Variants in EYS observed in about 807,000 individuals in gnomAD.
EYS encodes the protein EGF-like photoreceptor maintenance factor.
Under a neutral mutation model 282.1 loss-of-function variants are expected in EYS, and 250 were observed. The ratio of observed to expected loss-of-function variants is 0.89; its 90% CI spans 0.80 to 0.98. The LOEUF (loss-of-function observed/expected upper bound fraction) is 0.98. Among genes scored for constraint, EYS ranks in the 50% least tolerant of loss-of-function variants. The pLI is 0.00. For synonymous variants in EYS, 1,355 were observed against 1,282.9 expected (o/e 1.06, Z -1.20); for missense variants, 4,016 against 3,709.0 (o/e 1.08, Z -2.15).
chr6:64,187,865 A>G (rs1764994250), intron 31 of EYS, among the ~76,000 whole-genome samples: 1 of 152,080 alleles, frequency 6.6e-6, no homozygotes, highest in African/African-American at 2.4e-5. Context: ...TGTGTTTAAT[A>G]TAAGATTTCT....
At chr6:64,099,415 G>A (rs560700722) in intron 31 of EYS, among the ~76,000 whole-genome samples, 22 of 152,188 alleles carry the variant, frequency 1.4e-4, no homozygotes, top group African/African-American at 5.1e-4. Context: ...TGAAAAGATG[G>A]GAACTTTAGA....
Position 64,310,771 on chromosome 6 carries a change from A to G in EYS, c.6079-3689T>C, listed in dbSNP as rs548041964. On this transcript the variant is annotated intron_variant, in intron 29 of 42. Coordinates refer to ENST00000503581, the MANE Select transcript of EYS (RefSeq NM_001142800.2). ...AAAAAACATATTTTAAAAGGTGAAA[A>G]AAAAGAGAGAGAGAGAAAGGGAACT... Among the ~76,000 whole-genome samples the G allele has an allele frequency of 1.2e-3, 113 of 96,602 alleles. No individual in the cohort carries two copies. In the East Asian group the frequency reaches 0.024, roughly 21 times the overall value. 63.4% of individuals were successfully genotyped at this position (96,602 alleles called of 152,430 possible).
intron 12 of EYS, among the ~76,000 whole-genome samples, chr6:65,256,135 G>C (rs1001348623): frequency 6.6e-6 from 1 of 151,950 alleles, no homozygotes; most frequent in Non-Finnish European, 1.5e-5. Flanking sequence ...AGAAAAGGTG[G>C]CACATATACA....
Position 63,721,783 on chromosome 6 carries a change from T to C in EYS, c.8248A>G (p.Ile2750Val), listed in dbSNP as rs200962604. 3.2e-6 allele frequency: 5 copies of C among 1,542,064 alleles called. No homozygotes were observed. Among genetic ancestry groups the C allele is most frequent in the Non-Finnish European group, 1.8e-6 (2 of 1,142,262 alleles). ...LKAQSGDFLC[I>V]SLVNSSVQLR... ...TGAACGGAACTATTTACTAAAGAGATGCATAAAAAATCACCTGCAAGAAAG... is the reference window on the plus strand; with the variant it reads ...TGAACGGAACTATTTACTAAAGAGACGCATAAAAAATCACCTGCAAGAAAG... Residue 2750 changes from isoleucine (I) to valine (V), a missense_variant, in exon 43 of 43, where the codon ATC becomes GTC. Ile to Val is a conservative substitution (Grantham distance 29). Coordinates refer to ENST00000503581, the MANE Select transcript of EYS (RefSeq NM_001142800.2).
chr6:63,845,959 C>T (rs1340036652), intron 36 of EYS, among the ~76,000 whole-genome samples: 1 of 152,094 alleles, frequency 6.6e-6, no homozygotes, highest in Non-Finnish European at 1.5e-5. Flanking sequence ...AACGCAGAAG[C>T]TCAGAATTCA....
intron 2 of EYS, among the ~76,000 whole-genome samples, chr6:65,533,074 T>A (rs1243297750): frequency 2.0e-5 from 3 of 152,092 alleles, no homozygotes; most frequent in Non-Finnish European, 2.9e-5. Context: ...ATTAGCTGCT[T>A]TAAAAGATTG....
chr6:63,983,183 T>C lies in EYS; in HGVS notation c.7055+1200A>G, dbSNP rs142803577. ...AAATCTGTATCCATTGTACTTATGT[T>C]GAATAGGTCTATGTTGCTGTTATTG... On this transcript the variant is annotated intron_variant, in intron 35 of 42. Coordinates refer to ENST00000503581, the MANE Select transcript of EYS (RefSeq NM_001142800.2). Among the ~76,000 whole-genome samples the C allele has an allele frequency of 1.3e-3, 192 of 151,936 alleles. 1 individual carries two copies. The highest frequency in any genetic ancestry group is 4.4e-3 in the African/African-American group (184 of 41,518).
Position 65,188,620 on chromosome 6 carries a change from T to G in EYS, c.2023+107243A>C, listed in dbSNP as rs1321190374. ...AAGGTTGCAGATGGAATTAATGTTC[T>G]AATCAGCTGACTTTAAAATACAGAT... On this transcript the variant is annotated intron_variant, in intron 12 of 42. Coordinates refer to ENST00000503581, the MANE Select transcript of EYS (RefSeq NM_001142800.2). Among the ~76,000 whole-genome samples, 3 of 151,820 alleles carry G rather than the reference T, an allele frequency of 2.0e-5. No individual in the cohort carries two copies. The East Asian group carries it at 5.8e-4, about 30-fold the overall frequency.
chr6:63,827,867 AAAAAG>A (rs944845578), intron 36 of EYS, among the ~76,000 whole-genome samples: 2 of 117,958 alleles, frequency 1.7e-5, no homozygotes, highest in African/African-American at 7.4e-5. Context: ...AAAAAAAAAA[AAAAAG>A]AAATTACATC....
chr6:64,830,842 A>G (rs1377088213), intron 19 of EYS, among the ~76,000 whole-genome samples: 2 of 152,008 alleles, frequency 1.3e-5, no homozygotes, highest in East Asian at 1.9e-4. Flanking sequence ...GCAACACTCA[A>G]TTCCACAAAT....
chr6:64,858,475 G>T (rs961317969), intron 19 of EYS, among the ~76,000 whole-genome samples: 1 of 151,958 alleles, frequency 6.6e-6, no homozygotes, highest in Non-Finnish European at 1.5e-5. Context: ...TTTTATGCTA[G>T]TACCATGCTG....
At chr6:65,532,815 G>T (rs1179266608) in intron 2 of EYS, among the ~76,000 whole-genome samples, 1 of 152,030 alleles carries the variant, frequency 6.6e-6, no homozygotes, top group Non-Finnish European at 1.5e-5. Flanking sequence ...TATGTTTTTA[G>T]ATAAACTAAA....
At position 64,988,135 on chromosome 6, in the gene EYS, A is replaced by T. The variant is rs190125146; in HGVS notation, c.2259+9447T>A. ...GATTTTCTTGCTCTGAGAGGGCAAA[A>T]AAAAAAGACCAGCAACTTAAACCAG... is the stretch of plus-strand genomic sequence containing the variant. On this transcript the variant is annotated intron_variant, in intron 14 of 42. Coordinates refer to ENST00000503581, the MANE Select transcript of EYS (RefSeq NM_001142800.2). Among the ~76,000 whole-genome samples, 370 of 151,472 alleles carry T rather than the reference A, an allele frequency of 2.4e-3. 2 individuals carry two copies. Among genetic ancestry groups the T allele is most frequent in the African/African-American group, 8.4e-3 (349 of 41,428 alleles).
At chr6:65,517,460 C>T (rs1452757567) in intron 2 of EYS, among the ~76,000 whole-genome samples, 1 of 151,898 alleles carries the variant, frequency 6.6e-6, no homozygotes, top group African/African-American at 2.4e-5. Context: ...TCTGCCTTTA[C>T]ATCCAAGCTA....
At chr6:65,498,324 G>C (rs891301094) in intron 2 of EYS, among the ~76,000 whole-genome samples, 2 of 152,054 alleles carry the variant, frequency 1.3e-5, no homozygotes, top group African/African-American at 4.8e-5. Context: ...ATTTACAGTA[G>C]TAGCAACCTG....
intron 41 of EYS, among the ~76,000 whole-genome samples, chr6:63,739,587 T>C (rs941317072): frequency 1.3e-5 from 2 of 152,156 alleles, no homozygotes; most frequent in Non-Finnish European, 1.5e-5. Context: ...AGTACCTCCA[T>C]TTAGAAAGGG....
At chr6:65,263,650 G>A (rs903123756) in intron 12 of EYS, among the ~76,000 whole-genome samples, 1 of 151,482 alleles carries the variant, frequency 6.6e-6, no homozygotes, top group Non-Finnish European at 1.5e-5. Flanking sequence ...GCAAGTAGCT[G>A]ATTTACAAAT....
chr6:63,825,900 T>C (rs1406243694), intron 36 of EYS, among the ~76,000 whole-genome samples: 1 of 151,856 alleles, frequency 6.6e-6, no homozygotes, highest in Admixed American at 6.6e-5. Context: ...AAGAAATCCC[T>C]GAGATAGTTG....
intron 30 of EYS, among the ~76,000 whole-genome samples, chr6:64,268,554 A>C (rs1375895310): frequency 6.6e-6 from 1 of 152,174 alleles, no homozygotes; most frequent in Non-Finnish European, 1.5e-5. Context: ...TTGGGGGGCC[A>C]TTGCAGTATC....
Sources: gnomAD v4.1 joint callset for allele counts (sites outside exome capture counted in the v4.1 genomes callset) on GRCh38, gnomAD v4.1.1 for gene constraint, MANE v1.5 for transcripts, NCBI Gene and HGNC (gene_info 2026-07-23, HGNC 2026-07-21) for gene names.